DLAT: variants seen among roughly 807,000 people sequenced by gnomAD.
DLAT encodes the protein dihydrolipoamide S-acetyltransferase.
In DLAT, 43 loss-of-function variants were observed where a neutral mutation model predicts 68.0. That is an observed-to-expected ratio of 0.63 (90% CI 0.50 to 0.81). The LOEUF (loss-of-function observed/expected upper bound fraction) is 0.81, where lower values mean the gene tolerates loss of function less well. Ranked by LOEUF, DLAT falls within the 40% of genes least tolerant of loss-of-function variation. DLAT has a pLI of 0.00. For missense variants in DLAT, 745 were observed against 815.4 expected (o/e 0.91, Z 1.05); for synonymous variants, 265 against 288.6 (o/e 0.92, Z 0.83).
At chr11:112,054,424 T>C (rs1863876571) in intron 11 of DLAT, among the ~76,000 whole-genome samples, 1 of 152,208 alleles carries the variant, frequency 6.6e-6, no homozygotes, top group Non-Finnish European at 1.5e-5. Context: ...ACAGTGATTG[T>C]GTATGACTAA....
chr11:112,028,147 A>G (rs953091414), intron 2 of DLAT, among the ~76,000 whole-genome samples: 1 of 152,226 alleles, frequency 6.6e-6, no homozygotes, highest in Non-Finnish European at 1.5e-5. Flanking sequence ...AGGCGTTTCT[A>G]AAGTAATTTC....
chr11:112,027,158 G>C (rs1555179421), intron 2 of DLAT, among the ~76,000 whole-genome samples: 1 of 151,736 alleles, frequency 6.6e-6, no homozygotes. Context: ...TGGCTGCCGG[G>C]CGGAGGGGCT....
At chr11:112,045,079 C>A in intron 8 of DLAT, 59 bp from the exon 9 acceptor site, 1 of 1,346,606 alleles carries the variant, frequency 7.4e-7, no homozygotes, top group Non-Finnish European at 1.1e-6. Flanking sequence ...CAGTCTTTCC[C>A]AGGTACTTAC....
At chr11:112,040,553 T>C (rs1365556896) in intron 7 of DLAT, among the ~76,000 whole-genome samples, 2 of 152,210 alleles carry the variant, frequency 1.3e-5, no homozygotes, top group Non-Finnish European at 2.9e-5. Flanking sequence ...TTATGGGTAC[T>C]CAATGGTGGT....
At chr11:112,053,936 G>A (rs1261837121) in intron 11 of DLAT, among the ~76,000 whole-genome samples, 1 of 152,082 alleles carries the variant, frequency 6.6e-6, no homozygotes, top group Non-Finnish European at 1.5e-5. Flanking sequence ...AAAAAAAAAG[G>A]TAGGTTTGTT....
Position 112,045,162 on chromosome 11 carries a change from A to G in DLAT, c.1222A>G (p.Thr408Ala), listed in dbSNP as rs1555181347. 1.9e-6 allele frequency: 3 copies of G among 1,613,966 alleles called. No homozygotes were observed. The highest frequency in any genetic ancestry group is 1.7e-5 in the Admixed American group (1 of 59,998). Residue 408 changes from threonine (T) to alanine (A), a missense_variant, in exon 9 of 14, where the codon ACA (threonine) becomes GCA (alanine). Transcript: ENST00000280346. The stretch of plus-strand genomic sequence containing the variant: ...GGCTCCGGCAGCTGTTGTGCCTCCC[A>G]CAGGTCCTGGAATGGCACCAGTTCC... ...APAPAAVVPP[T>A]GPGMAPVPTG...
At chr11:112,055,346 C>T (rs1863950979) in intron 11 of DLAT, among the ~76,000 whole-genome samples, 1 of 146,812 alleles carries the variant, frequency 6.8e-6, no homozygotes, top group South Asian at 2.2e-4. Flanking sequence ...TGGGTTCATG[C>T]CGTTCTCCTG....
intron 12 of DLAT, 93 bp downstream of exon 12, chr11:112,060,158 A>ATTTTTTT (rs782188808): frequency 7.0e-6 from 4 of 568,676 alleles, no homozygotes; most frequent in African/African-American, 5.1e-5. Flanking sequence ...CTGTCACGTA[A>ATTTTTTT]TTTTTTTTTT....
intron 10 of DLAT, among the ~76,000 whole-genome samples, chr11:112,046,838 T>C (rs587730753): frequency 1.2e-4 from 19 of 152,330 alleles, no homozygotes; most frequent in Admixed American, 1.2e-3. Context: ...ATGGTGTGTA[T>C]GTGCCACATT....
intron 10 of DLAT, among the ~76,000 whole-genome samples, chr11:112,046,504 T>C (rs1314850483): frequency 6.6e-6 from 1 of 152,096 alleles, no homozygotes; most frequent in African/African-American, 2.4e-5. Flanking sequence ...CTGGGATACA[T>C]GTGCAGAACG....
intron 7 of DLAT, 79 bp from the exon 8 acceptor site, chr11:112,043,387 C>T (rs1555181132): frequency 3.8e-6 from 5 of 1,315,926 alleles, no homozygotes; most frequent in African/African-American, 1.5e-5. Context: ...TAGGAGCTTG[C>T]AGTTTAGGAT....
intron 10 of DLAT, among the ~76,000 whole-genome samples, chr11:112,049,630 A>G (rs1161275682): frequency 6.6e-6 from 1 of 152,074 alleles, no homozygotes; most frequent in Non-Finnish European, 1.5e-5. Context: ...GAAGAGTAGA[A>G]AAGAAGTTAG....
chr11:112,035,528 G>A (rs1281782002), intron 5 of DLAT, among the ~76,000 whole-genome samples: 2 of 147,646 alleles, frequency 1.4e-5, no homozygotes, highest in African/African-American at 5.0e-5. Context: ...TGGCTCTGTT[G>A]TCCAGGCTGG....
At chr11:112,029,055 G>C in intron 4 of DLAT, 110 bp downstream of exon 4, 2 of 1,251,232 alleles carry the variant, frequency 1.6e-6, no homozygotes, top group East Asian at 2.3e-5. Context: ...GTTAGGTCTT[G>C]TCATTTGGGA....
At chr11:112,055,709 G>A (rs781805986) in intron 11 of DLAT, among the ~76,000 whole-genome samples, 64 of 151,638 alleles carry the variant, frequency 4.2e-4, no homozygotes, top group Admixed American at 7.9e-4. Flanking sequence ...TATGGCCACC[G>A]TGATGATCGT....
chr11:112,051,196 TA>T lies in DLAT; in HGVS notation c.1399-32del. On this transcript the variant is annotated intron_variant, in intron 10 of 13. Transcript: ENST00000280346. The surrounding 1 kb of genome is among the most constrained non-coding windows in gnomAD (Gnocchi z 4.3). ...TGAAACTTAAAATTAAAATTAAAAT[TA>T]AAAAAGAAGAAACTACAGTTCTTCT... 7.3e-7 allele frequency: 1 copy of T among 1,374,874 alleles called. No individual in the cohort carries two copies. The highest frequency in any genetic ancestry group is 1.0e-6 in the Non-Finnish European group (1 of 985,770). The allele number at this position is 1,374,874 out of a possible 1,614,324, so 85.2% of individuals were successfully genotyped here. A position where few individuals can be genotyped will look rare whatever the true frequency, so the allele number is the denominator to read the frequency against.
intron 6 of DLAT, 83 bp from the exon 7 acceptor site, chr11:112,039,157 AATTT>A (rs1862926295): frequency 7.8e-7 from 1 of 1,275,282 alleles, no homozygotes; most frequent in South Asian, 1.5e-5. Flanking sequence ...AAATAGTTTT[AATTT>A]ATTAATAAGA....
In DLAT at chr11:112,064,038, G is replaced by T; in HGVS notation, c.*1503G>T. ...ATTCCACACAGACTTTTACCTTGCT[G>T]TATTATTATGAAAACAATACATTAA... is the stretch of plus-strand genomic sequence containing the variant. On this transcript the variant is annotated 3_prime_UTR_variant, in exon 14 of 14. Coordinates refer to ENST00000280346, the MANE Select transcript of DLAT (RefSeq NM_001931.5). The T allele has an allele frequency of 1.3e-6, 1 of 762,250 alleles. No homozygotes were observed. The highest frequency in any genetic ancestry group is 2.0e-6 in the Non-Finnish European group (1 of 493,160). The allele number at this position is 762,250 out of a possible 1,614,324, so 47.2% of individuals were successfully genotyped here.
intron 7 of DLAT, among the ~76,000 whole-genome samples, chr11:112,040,909 G>A (rs987865698): frequency 3.3e-5 from 5 of 150,672 alleles, no homozygotes; most frequent in Admixed American, 3.3e-4. Context: ...TTAGGTATGA[G>A]CTGAGAGGAG....
Sources: allele counts gnomAD v4.1 joint callset (sites outside exome capture counted in the v4.1 genomes callset), GRCh38; gene constraint gnomAD v4.1.1; non-coding constraint Gnocchi (gnomAD v3.1); transcripts MANE v1.5; gene names NCBI Gene and HGNC (gene_info 2026-07-23, HGNC 2026-07-21).